CAPS2: variants seen among roughly 807,000 people sequenced by gnomAD.
CAPS2 encodes calcyphosine 2, also known as calcyphosin-2.
Under a neutral mutation model 86.5 loss-of-function variants are expected in CAPS2, and 98 were observed. The ratio of observed to expected loss-of-function variants is 1.13; its 90% CI spans 0.96 to 1.34. The LOEUF is 1.34. Ranked by LOEUF, CAPS2 falls within the 40% of genes most tolerant of loss-of-function variation. CAPS2 has a pLI of 0.00. For missense variants in CAPS2, 729 were observed against 686.8 expected (o/e 1.06, Z -0.69); for synonymous variants, 210 against 225.1 (o/e 0.93, Z 0.60).
At chr12:75,332,726 C>G (rs748058256), upstream of CAPS2, among the ~76,000 whole-genome samples, 2 of 152,036 alleles carry the variant, frequency 1.3e-5, no homozygotes, top group East Asian at 1.9e-4. Flanking sequence ...AGTTCCTGTT[C>G]AAGGTGCTAG....
chr12:75,342,458 A>G (rs1403611248), intron 1 of CAPS2, among the ~76,000 whole-genome samples: 1 of 152,202 alleles, frequency 6.6e-6, no homozygotes, highest in Non-Finnish European at 1.5e-5. Context: ...AAATAAAAAG[A>G]TGTTTAAAAA....
chr12:75,320,509 A>G (rs553115228), intron 5 of CAPS2, among the ~76,000 whole-genome samples: 58 of 152,174 alleles, frequency 3.8e-4, no homozygotes, highest in African/African-American at 1.3e-3. Context: ...TCAAAATAAG[A>G]AAGATCAAAT....
At chr12:75,278,183 A>G in exon 17 of CAPS2, 1 of 975,768 alleles carries the variant, frequency 1.0e-6, no homozygotes, top group Non-Finnish European at 1.2e-6. Flanking sequence ...AGCAGAATAA[A>G]AGAACAAATA....
intron 16 of CAPS2, among the ~76,000 whole-genome samples, chr12:75,281,292 A>G (rs1360572377): frequency 2.0e-5 from 3 of 151,982 alleles, no homozygotes; most frequent in South Asian, 4.1e-4. Flanking sequence ...AGTAGAAAAC[A>G]GGCCTAAAGA....
At chr12:75,329,709 G>C (rs1438799541), upstream of CAPS2, 8 of 661,322 alleles carry the variant, frequency 1.2e-5, no homozygotes, top group Non-Finnish European at 1.9e-5. Flanking sequence ...GATCCCAGAC[G>C]ACTACAGACC....
At chr12:75,336,622 C>T (rs76603111) in intron 1 of CAPS2, among the ~76,000 whole-genome samples, 2 of 151,184 alleles carry the variant, frequency 1.3e-5, no homozygotes, top group Admixed American at 6.6e-5. Context: ...ATCTTCAATA[C>T]AAATAAATGT....
downstream of CAPS2, chr12:75,276,584 T>C: frequency 1.0e-6 from 1 of 973,474 alleles, no homozygotes. Context: ...CATGCAAATA[T>C]GTATGTCCTT....
chr12:75,365,938 T>C (rs1228321608), intron 1 of CAPS2, among the ~76,000 whole-genome samples: 1 of 152,154 alleles, frequency 6.6e-6, no homozygotes, highest in Non-Finnish European at 1.5e-5. Flanking sequence ...GCTGGCTTTA[T>C]AGTTTTATAA....
chr12:75,305,675 C>A, intron 7 of CAPS2: 2 of 652,264 alleles, frequency 3.1e-6, no homozygotes, highest in South Asian at 1.4e-5. Flanking sequence ...TAGCACTGCC[C>A]AGTCTGGCCC....
chr12:75,382,532 C>A (rs1188264767), intron 1 of CAPS2, among the ~76,000 whole-genome samples: 3 of 151,872 alleles, frequency 2.0e-5, no homozygotes, highest in Non-Finnish European at 4.4e-5. Context: ...CCCAGCTACT[C>A]AGGAGGCTGA....
upstream of CAPS2, among the ~76,000 whole-genome samples, chr12:75,327,973 T>C (rs2040944832): frequency 6.6e-6 from 1 of 151,932 alleles, no homozygotes. Context: ...TAGAGCTTCT[T>C]CCTCTAAAAA....
At chr12:75,307,072 G>A (rs1020622763) in intron 7 of CAPS2, among the ~76,000 whole-genome samples, 7 of 152,112 alleles carry the variant, frequency 4.6e-5, no homozygotes, top group Non-Finnish European at 8.8e-5. Flanking sequence ...TTGTAATGGA[G>A]GAGAGTACAG....
chr12:75,325,949 C>CA (rs2040739662), intron 1 of CAPS2, among the ~76,000 whole-genome samples: 3 of 151,714 alleles, frequency 2.0e-5, no homozygotes, highest in South Asian at 2.1e-4. Flanking sequence ...ATCTTATTGC[C>CA]AAAAAAACTG....
rs199980406 is a variant in CAPS2 at position 75,319,477 on chromosome 12, AAAGCAACCTG to A, written c.468+1913_468+1922del. ...TTCCCTTGATCTTCCGTCATAAGTA[AAAGCAACCTG>A]AAGCCCTTAGCAAGTGCCTAATCTT... On this transcript the variant is annotated intron_variant, in intron 5 of 16. Transcript: ENST00000393284. Among the ~76,000 whole-genome samples the A allele has an allele frequency of 3.6e-3, 548 of 152,236 alleles. 2 individuals are homozygous for A. The highest frequency in any genetic ancestry group is 0.012 in the African/African-American group (518 of 41,532).
downstream of CAPS2, chr12:75,276,077 G>T (rs1406223523): frequency 4.5e-6 from 4 of 888,036 alleles, no homozygotes; most frequent in Non-Finnish European, 4.7e-6. Flanking sequence ...CGATATGTAT[G>T]ACAAGAGCCT....
intron 1 of CAPS2, among the ~76,000 whole-genome samples, chr12:75,359,357 C>CT (rs61616225): frequency 0.063 from 1,792 of 28,600 alleles, 521 homozygotes; most frequent in Middle Eastern, 0.17. Context: ...GCATTGTTGT[C>CT]TTTTTTTTTT....
Position 75,366,059 on chromosome 12 carries a change from A to T in CAPS2, c.-395+24779T>A, listed in dbSNP as rs963465922. 2.6e-5 allele frequency among the ~76,000 whole-genome samples: 4 copies of T among 152,152 alleles called. No homozygotes were observed. The South Asian group carries it at 8.3e-4, about 31-fold the overall frequency. Reference sequence around the variant, plus strand: ...AATTCTAATTCTAATGTTACTTTACAAAGAATTTTAAAGCCAGTTTATTTA... The same window carrying T: ...AATTCTAATTCTAATGTTACTTTACTAAGAATTTTAAAGCCAGTTTATTTA... On this transcript the variant is annotated intron_variant, in intron 1 of 5. Coordinates refer to the CAPS2 transcript ENST00000551829.
At chr12:75,341,662 G>A (rs2139318086) in intron 1 of CAPS2, among the ~76,000 whole-genome samples, 1 of 151,880 alleles carries the variant, frequency 6.6e-6, no homozygotes, top group South Asian at 2.1e-4. Flanking sequence ...TAGCCAGGAC[G>A]GTCACGATCT....
intron 1 of CAPS2, among the ~76,000 whole-genome samples, chr12:75,362,106 C>A (rs145606801): frequency 9.7e-4 from 147 of 152,102 alleles, no homozygotes; most frequent in Middle Eastern, 3.4e-3. Flanking sequence ...AGTCTGTAAA[C>A]AACAATAATA....
Sources: gnomAD v4.1 joint callset for allele counts (sites outside exome capture counted in the v4.1 genomes callset) on GRCh38, gnomAD v4.1.1 for gene constraint, MANE v1.5 for transcripts, NCBI Gene and HGNC (gene_info 2026-07-23, HGNC 2026-07-21) for gene names.